SNX20: variants seen among roughly 807,000 people sequenced by gnomAD.
SNX20 encodes sorting nexin-20.
A neutral mutation model predicts 24.5 loss-of-function variants in SNX20; 21 were observed. The ratio of observed to expected loss-of-function variants is 0.86; its 90% CI spans 0.61 to 1.23. The LOEUF (loss-of-function observed/expected upper bound fraction) is 1.23. SNX20 is among the 50% of genes most tolerant of loss of function. The pLI is 0.00. For missense variants in SNX20, 433 were observed against 430.8 expected, an observed-to-expected ratio of 1.00 and a Z score of -0.04; for synonymous variants, 206 against 192.8, an observed-to-expected ratio of 1.07 and a Z score of -0.57.
rs745604169 is a variant in SNX20, at chr16:50,673,994, C to G, written c.363G>C (p.Ala121=). The G allele has an allele frequency of 6.2e-7, 1 of 1,612,872 alleles. No homozygotes were observed. The change falls in exon 4 of 4, where the codon GCG becomes GCC. Residue 121 remains alanine, a synonymous_variant. Transcript: ENST00000330943. The surrounding 1 kb of genome is among the most constrained non-coding windows in gnomAD (Gnocchi z 4.1). ...TCTTCAGCAGCGCTTTCTGGAGCTTCGCGAAGTCGGAATAGCGCCGTTCCA... is the reference window on the plus strand; with the variant it reads ...TCTTCAGCAGCGCTTTCTGGAGCTTGGCGAAGTCGGAATAGCGCCGTTCCA... ...AVLERRYSDF[A]KLQKALLKTF...
chr16:50,669,224 G>A, downstream of SNX20: 1 of 743,882 alleles, frequency 1.3e-6, no homozygotes, highest in South Asian at 1.5e-5. Context: ...GAATACCTGA[G>A]GTTGGGTAGC....
chr16:50,675,641 A>C, intron 3 of SNX20, 129 bp downstream of exon 3: 1 of 1,214,508 alleles, frequency 8.2e-7, no homozygotes, highest in Non-Finnish European at 1.2e-6. Flanking sequence ...CATTTTCTCC[A>C]GAAGAAAGCT....
In SNX20 at chr16:50,672,352, G is replaced by C. The variant is rs1963068420; in HGVS notation, c.*1054C>G. On this transcript the variant is annotated 3_prime_UTR_variant, in exon 4 of 4. Coordinates refer to ENST00000330943, the MANE Select transcript of SNX20 (RefSeq NM_182854.4). Reference sequence around the variant, plus strand: ...CCTTATGAATGAAAATCCACCCCTAGACAATGTGCTATGCCATCCCAGCCA... The same window carrying C: ...CCTTATGAATGAAAATCCACCCCTACACAATGTGCTATGCCATCCCAGCCA... The C allele has an allele frequency of 6.6e-6, 1 of 152,180 alleles. No individual in the cohort carries two copies. The highest frequency in any genetic ancestry group is 6.5e-5 in the Admixed American group (1 of 15,270). 9.4% of individuals were successfully genotyped at this position (152,180 alleles called of 1,614,324 possible).
downstream of SNX20, chr16:50,668,203 G>A (rs765824952): frequency 4.8e-5 from 72 of 1,489,992 alleles, no homozygotes; most frequent in East Asian, 2.7e-4. Flanking sequence ...CTGCAGCAAC[G>A]CACGGGCAAC....
intron 3 of SNX20, 110 bp from the exon 4 acceptor site, chr16:50,674,184 G>A: frequency 7.4e-7 from 1 of 1,360,376 alleles, no homozygotes; most frequent in Non-Finnish European, 9.6e-7. Context: ...CCCTGAAAAC[G>A]GGCGATCCTT....
chr16:50,667,909 C>T, downstream of SNX20: 1 of 1,165,874 alleles, frequency 8.6e-7, no homozygotes, highest in Non-Finnish European at 1.2e-6. Context: ...TTGATCTTAC[C>T]ATGGGGGCAA....
At chr16:50,675,969 C>CGAGGCA (rs772637798) in intron 2 of SNX20, 48 bp from the exon 3 acceptor site, 1 of 1,543,548 alleles carries the variant, frequency 6.5e-7, no homozygotes, top group African/African-American at 1.4e-5. Flanking sequence ...AGTGCACTTC[C>CGAGGCA]GAGGCATGGG....
rs755165064 is a variant in SNX20 at position 50,674,060 on chromosome 16, G to A, written c.297C>T (p.Ile99=). 3.1e-6 allele frequency: 5 copies of A among 1,602,812 alleles called. No individual in the cohort carries two copies. The African/African-American group carries it at 4.0e-5, about 13-fold the overall frequency. The change falls in exon 4 of 4, where the codon ATC becomes ATT. Residue 99 remains isoleucine, a synonymous_variant. Transcript: ENST00000330943. The part of the protein sequence containing the change: ...KVSKFVVYQI[I]VIQTGSFDNN... ...TGTCAAAGCTCCCAGTCTGGATGACGATGATTTGGTACACCTAGGGCGCAA... is the reference window on the plus strand; with the variant it reads ...TGTCAAAGCTCCCAGTCTGGATGACAATGATTTGGTACACCTAGGGCGCAA...
intron 3 of SNX20, among the ~76,000 whole-genome samples, chr16:50,674,796 C>G (rs997751747): frequency 5.3e-5 from 8 of 152,168 alleles, no homozygotes; most frequent in African/African-American, 1.7e-4. Flanking sequence ...ACTGGTGATG[C>G]CGTTATATGG....
intron 1 of SNX20, among the ~76,000 whole-genome samples, chr16:50,678,178 G>A (rs1280030706): frequency 6.6e-6 from 1 of 152,122 alleles, no homozygotes; most frequent in Non-Finnish European, 1.5e-5. Flanking sequence ...CTCCAGTCTG[G>A]GTGACAGAAC....
rs144326415 is a variant in SNX20 at position 50,675,906 on chromosome 16, A to G, written c.146T>C (p.Leu49Pro). Residue 49 changes from leucine (L) to proline (P), a missense_variant, in exon 3 of 4, where the codon CTG becomes CCG. Coordinates refer to ENST00000330943, the MANE Select transcript of SNX20 (RefSeq NM_182854.4). ...CGTGGTCATGCTGGAGTTGGAGCTC[A>G]GGCCACTGTGTGTGTCTGGAAGGAC... ...PDGHLDTHSG[L>P]SSNSSMTTRE... 6 of 1,609,242 alleles carry G rather than the reference A, an allele frequency of 3.7e-6. No individual in the cohort carries two copies. Among genetic ancestry groups the G allele is most frequent in the African/African-American group, 1.3e-5 (1 of 74,546 alleles).
Position 50,673,111 on chromosome 16 carries a change from T to C in SNX20, c.*295A>G, listed in dbSNP as rs1403446847. The C allele has an allele frequency of 1.9e-5, 5 of 265,008 alleles. No homozygotes were observed. The Admixed American group carries it at 2.2e-4, about 12-fold the overall frequency. 16.4% of individuals were successfully genotyped at this position (265,008 alleles called of 1,614,324 possible). A position where few individuals can be genotyped will look rare whatever the true frequency, so the allele number is the denominator to read the frequency against. On this transcript the variant is annotated 3_prime_UTR_variant, in exon 4 of 4. Coordinates refer to ENST00000330943, the MANE Select transcript of SNX20 (RefSeq NM_182854.4). The surrounding 1 kb of genome is among the most constrained non-coding windows in gnomAD (Gnocchi z 4.1). ...TAAGGTCAGAAGTTAGAGACCAGCCTGGGCAACAGAGAGACCCTGTCTCTA... is the reference window on the plus strand; with the variant it reads ...TAAGGTCAGAAGTTAGAGACCAGCCCGGGCAACAGAGAGACCCTGTCTCTA...
At position 50,675,974 on chromosome 16, in the gene SNX20, C is replaced by A; in HGVS notation, c.131-53G>T. On this transcript the variant is annotated intron_variant, in intron 2 of 3. Transcript: ENST00000330943. ...GCACCCTGTCAGTGCACTTCCGAGG[C>A]ATGGGCTTGGGGAGATGGCTGGGTC... 2.0e-6 allele frequency: 3 copies of A among 1,538,228 alleles called. No individual in the cohort carries two copies. The South Asian group carries it at 3.7e-5, about 19-fold the overall frequency.
Position 50,676,957 on chromosome 16 carries a change from G to T in SNX20, c.130+440C>A, listed in dbSNP as rs951478005. On this transcript the variant is annotated intron_variant, in intron 2 of 3. Transcript: ENST00000330943. ...CTTGGCACCCACTTTTCCAGAACAT[G>T]CCACTGGCTTCCCTGAGGGCTTTCT... is the stretch of plus-strand genomic sequence containing the variant. Among the ~76,000 whole-genome samples the T allele has an allele frequency of 2.0e-5, 3 of 152,230 alleles. No individual in the cohort carries two copies. In the South Asian group the frequency reaches 6.2e-4, roughly 32 times the overall value.
chr16:50,669,100 C>G, downstream of SNX20: 1 of 1,537,530 alleles, frequency 6.5e-7, no homozygotes, highest in Non-Finnish European at 8.8e-7. Context: ...GTCCCTGTCT[C>G]GCCACGTGAC....
chr16:50,677,739 G>A (rs1241686274), intron 1 of SNX20, among the ~76,000 whole-genome samples: 2 of 152,228 alleles, frequency 1.3e-5, no homozygotes, highest in Non-Finnish European at 2.9e-5. Context: ...CTCCAAGGCA[G>A]AGAAGACCCT....
chr16:50,668,507 A>G (rs1394975203), downstream of SNX20: 1 of 974,022 alleles, frequency 1.0e-6, no homozygotes, highest in Non-Finnish European at 1.2e-6. Context: ...TCCATTTAGG[A>G]TAGTAATAGG....
At chr16:50,671,600 GA>G (rs1280003901), downstream of SNX20, 1 of 152,120 alleles carries the variant, frequency 6.6e-6, no homozygotes, top group Admixed American at 6.5e-5. Context: ...TAGATTTGAA[GA>G]AATAACTGAC....
In SNX20 at chr16:50,677,340, G is replaced by T. The variant is rs185464042; in HGVS notation, c.130+57C>A. 12 of 1,480,376 alleles carry T rather than the reference G, an allele frequency of 8.1e-6. No homozygotes were observed. In the East Asian group the frequency reaches 2.7e-4, roughly 34 times the overall value. The allele number at this position is 1,480,376 out of a possible 1,614,324, so 91.7% of individuals were successfully genotyped here. A position where few individuals can be genotyped will look rare whatever the true frequency, so the allele number is the denominator to read the frequency against. On this transcript the variant is annotated intron_variant, in intron 2 of 3. Coordinates refer to ENST00000330943, the MANE Select transcript of SNX20 (RefSeq NM_182854.4). ...GCATCCCCCAAAGTGACCCACATTT[G>T]TACTTTGAATGTCTTCAGACCTCTC...
Sources: allele counts gnomAD v4.1 joint callset (sites outside exome capture counted in the v4.1 genomes callset), GRCh38; gene constraint gnomAD v4.1.1; non-coding constraint Gnocchi (gnomAD v3.1); transcripts MANE v1.5; gene names NCBI Gene and HGNC (gene_info 2026-07-23, HGNC 2026-07-21).